MDFIC: variants seen among roughly 807,000 people sequenced by gnomAD.
MDFIC encodes myoD family inhibitor domain-containing protein.
A neutral mutation model predicts 23.2 loss-of-function variants in MDFIC; 17 were observed. The observed-to-expected ratio is 0.73, with a 90% CI of 0.50 to 1.10. The LOEUF is 1.10. Ranked by LOEUF, MDFIC falls within the 50% of genes least tolerant of loss-of-function variation. The pLI is 0.00. For missense variants in MDFIC, 356 were observed against 316.6 expected (o/e 1.12, Z -0.95); for synonymous variants, 120 against 115.2 (o/e 1.04, Z -0.27).
intron 4 of MDFIC, among the ~76,000 whole-genome samples, chr7:115,001,411 C>A (rs187228971): frequency 6.6e-6 from 1 of 152,278 alleles, no homozygotes; most frequent in East Asian, 1.9e-4. Context: ...TTGAAGTTGA[C>A]ACTAGAAGTT....
chr7:114,987,495 A>ATGTTT, intron 4 of MDFIC, among the ~76,000 whole-genome samples: 1 of 152,198 alleles, frequency 6.6e-6, no homozygotes, highest in Admixed American at 6.6e-5. Flanking sequence ...TGCTTGGATG[A>ATGTTT]TGTTTTGTTT....
At chr7:114,936,941 A>T (rs1357737198) in intron 2 of MDFIC, among the ~76,000 whole-genome samples, 1 of 152,110 alleles carries the variant, frequency 6.6e-6, no homozygotes, top group Non-Finnish European at 1.5e-5. Context: ...TGTAACAAAC[A>T]TATTAGTTGA....
chr7:115,004,078 A>G (rs1247812082), intron 4 of MDFIC, among the ~76,000 whole-genome samples: 4 of 152,210 alleles, frequency 2.6e-5, no homozygotes, highest in African/African-American at 9.6e-5. Context: ...TGGAAACACT[A>G]TATATACTGG....
chr7:114,978,583 T>C (rs1173604800), intron 3 of MDFIC, among the ~76,000 whole-genome samples: 1 of 152,102 alleles, frequency 6.6e-6, no homozygotes, highest in Non-Finnish European at 1.5e-5. Context: ...TAATCGGTTA[T>C]ACTCTTTGCT....
chr7:114,955,673 C>T (rs749123854), intron 3 of MDFIC, among the ~76,000 whole-genome samples: 1 of 152,298 alleles, frequency 6.6e-6, no homozygotes, highest in African/African-American at 2.4e-5. Flanking sequence ...CTACATTTAG[C>T]GTCTCTGTAG....
chr7:114,957,510 T>TA lies in MDFIC; in HGVS notation c.217+15121dup, dbSNP rs890033156. The stretch of plus-strand genomic sequence containing the variant: ...TTTACCTAAGAGTCATATTAATAAG[T>TA]AAAAAAAAGATCAGCTTTTTGAATA... On this transcript the variant is annotated intron_variant, in intron 3 of 4. Transcript: ENST00000393486. Among the ~76,000 whole-genome samples, 9 of 152,038 alleles carry TA rather than the reference T, an allele frequency of 5.9e-5. No homozygotes were observed. The East Asian group carries it at 1.3e-3, about 23-fold the overall frequency.
chr7:114,975,223 T>A (rs1211189823), intron 3 of MDFIC, among the ~76,000 whole-genome samples: 1 of 152,112 alleles, frequency 6.6e-6, no homozygotes, highest in Non-Finnish European at 1.5e-5. Context: ...TTAACGCATG[T>A]GATTATGTAG....
intron 1 of MDFIC, 81 bp from the exon 2 acceptor site, chr7:114,922,846 G>C (rs986840204): frequency 4.8e-6 from 7 of 1,456,902 alleles, no homozygotes; most frequent in Middle Eastern, 2.3e-4. Flanking sequence ...GGGAAGTGGA[G>C]GGGGAGGGAA....
At chr7:114,996,510 C>T (rs368002062) in intron 4 of MDFIC, among the ~76,000 whole-genome samples, 60 of 152,154 alleles carry the variant, frequency 3.9e-4, no homozygotes, top group Middle Eastern at 3.4e-3. Flanking sequence ...ATTTGAGATA[C>T]CCATTATCTG....
At chr7:114,971,788 C>T (rs534523183) in intron 3 of MDFIC, among the ~76,000 whole-genome samples, 1 of 151,994 alleles carries the variant, frequency 6.6e-6, no homozygotes, top group East Asian at 1.9e-4. Flanking sequence ...ACATGCAGAT[C>T]TTAAAAGAAA....
chr7:114,922,776 C>CTG (rs201085774), intron 1 of MDFIC, 140 bp downstream of exon 1: 8 of 803,686 alleles, frequency 1.0e-5, no homozygotes, highest in Non-Finnish European at 1.3e-5. Flanking sequence ...TCAACTTGCG[C>CTG]TGTAACAGTT....
intron 3 of MDFIC, among the ~76,000 whole-genome samples, chr7:114,970,879 C>T (rs1489558811): frequency 6.6e-6 from 1 of 152,146 alleles, no homozygotes; most frequent in Non-Finnish European, 1.5e-5. Flanking sequence ...TGCATAAAGG[C>T]AAGTGGGGGC....
At chr7:114,951,015 C>T (rs1563140335) in intron 3 of MDFIC, among the ~76,000 whole-genome samples, 1 of 151,922 alleles carries the variant, frequency 6.6e-6, no homozygotes, top group South Asian at 2.1e-4. Context: ...CTCCATAAAA[C>T]AAAACAAACA....
At chr7:115,010,156 G>A (rs1289691513) in intron 4 of MDFIC, among the ~76,000 whole-genome samples, 4 of 152,114 alleles carry the variant, frequency 2.6e-5, no homozygotes, top group Admixed American at 2.6e-4. Flanking sequence ...CTCTATTCAA[G>A]CCTTCTTAAG....
At position 115,015,795 on chromosome 7, in the gene MDFIC, T is replaced by C. The variant is rs769748201; in HGVS notation, c.601T>C (p.Cys201Arg). The C allele has an allele frequency of 4.3e-6, 7 of 1,614,248 alleles. No homozygotes were observed. The Admixed American group carries it at 1.2e-4, about 27-fold the overall frequency. Residue 201 changes from cysteine (C) to arginine (R), a missense_variant, in exon 5 of 5, where the codon TGC (cysteine) becomes CGC (arginine). By Grantham distance (180) the Cys-to-Arg change is radical. Transcript: ENST00000393486. ...TGGCATCTGCACCTCAGAAGCCTGC[T>C]GCTGTTGCTGTGGTGACGAGATGGG... ...SCGICTSEAC[C>R]CCCGDEMGDD... is the part of the protein sequence containing the mutation.
chr7:115,015,148 A>G lies in MDFIC; in HGVS notation c.494-540A>G, dbSNP rs144726330. 2.1e-3 allele frequency among the ~76,000 whole-genome samples: 317 copies of G among 152,308 alleles called. 5 individuals are homozygous for G. Among genetic ancestry groups the G allele is most frequent in the African/African-American group, 7.3e-3 (305 of 41,566 alleles). On this transcript the variant is annotated intron_variant, in intron 4 of 4. Coordinates refer to ENST00000393486, the MANE Select transcript of MDFIC (RefSeq NM_001166345.3). The stretch of plus-strand genomic sequence containing the variant: ...TAAAAAGACTAAAACCATGAAATTG[A>G]ATCATTTGTATTGGAAAGTGAAGTC...
chr7:115,008,116 A>G (rs1032308408), intron 4 of MDFIC, among the ~76,000 whole-genome samples: 2 of 152,122 alleles, frequency 1.3e-5, no homozygotes, highest in Non-Finnish European at 2.9e-5. Context: ...GGAATATTTA[A>G]TGAATCAACC....
chr7:115,001,850 C>A (rs1791471457), intron 4 of MDFIC, among the ~76,000 whole-genome samples: 1 of 152,116 alleles, frequency 6.6e-6, no homozygotes, highest in Non-Finnish European at 1.5e-5. Flanking sequence ...TAAAACTGGC[C>A]TCCTGGCCCG....
At chr7:114,969,584 A>C (rs903433475) in intron 3 of MDFIC, among the ~76,000 whole-genome samples, 1 of 152,208 alleles carries the variant, frequency 6.6e-6, no homozygotes, top group Non-Finnish European at 1.5e-5. Flanking sequence ...TGAAGGGTTC[A>C]TGTCAGTAAA....
Sources: allele counts gnomAD v4.1 joint callset (sites outside exome capture counted in the v4.1 genomes callset), GRCh38; gene constraint gnomAD v4.1.1; transcripts MANE v1.5; gene names NCBI Gene and HGNC (gene_info 2026-07-23, HGNC 2026-07-21).